Variants in CDK19 observed in about 807,000 individuals in gnomAD.
CDK19 encodes cyclin dependent kinase 19, also known as cyclin-dependent kinase 19.
CDK19 carries 20 observed loss-of-function variants against 68.3 expected under a neutral mutation model. The observed-to-expected ratio is 0.29, with a 90% CI of 0.21 to 0.43. The LOEUF (loss-of-function observed/expected upper bound fraction) is 0.43. Ranked by LOEUF, CDK19 falls within the 20% of genes least tolerant of loss-of-function variation. The probability of loss-of-function intolerance (pLI) is 1.00; values close to 1 mark genes in which losing one functional copy is unlikely to be tolerated. For missense variants in CDK19, 339 were observed against 623.5 expected (o/e 0.54, Z 4.86); for synonymous variants, 221 against 222.8 (o/e 0.99, Z 0.07).
intron 2 of CDK19, among the ~76,000 whole-genome samples, chr6:110,689,358 GC>G (rs1223512269): frequency 6.6e-6 from 1 of 152,122 alleles, no homozygotes; most frequent in Non-Finnish European, 1.5e-5. Context: ...ACTTCTGGGA[GC>G]TTTTCGGCCC....
chr6:110,687,181 A>AG (rs1220597756), intron 2 of CDK19, among the ~76,000 whole-genome samples: 1 of 152,164 alleles, frequency 6.6e-6, no homozygotes, highest in Non-Finnish European at 1.5e-5. Context: ...GGAGAGGAGG[A>AG]GGTCAGCTTT....
At position 110,614,524 on chromosome 6, in the gene CDK19, A is replaced by G. The variant is rs1222109321; in HGVS notation, c.*11T>C. 6.2e-7 allele frequency: 1 copy of G among 1,613,194 alleles called. No homozygotes were observed. The highest frequency in any genetic ancestry group is 1.1e-5 in the South Asian group (1 of 91,014). On this transcript the variant is annotated 3_prime_UTR_variant, in exon 13 of 13. Transcript: ENST00000368911. ...CTCTGGGCTGGGCTGGCCTGGCCCA[A>G]CGGGAGCTGGTCAGTACCGGTGGGC...
chr6:110,766,502 C>T (rs1465376123), intron 1 of CDK19, among the ~76,000 whole-genome samples: 3 of 151,912 alleles, frequency 2.0e-5, no homozygotes, highest in South Asian at 2.1e-4. Flanking sequence ...CCTTTGAAAC[C>T]GGGAGGCAGA....
intron 1 of CDK19, among the ~76,000 whole-genome samples, chr6:110,768,852 G>C (rs974893215): frequency 6.6e-6 from 1 of 152,054 alleles, no homozygotes; most frequent in Non-Finnish European, 1.5e-5. Flanking sequence ...CTAATGTGTA[G>C]AGAGCAAACC....
chr6:110,657,037 CTTA>C (rs1781348398), intron 4 of CDK19, among the ~76,000 whole-genome samples: 1 of 152,158 alleles, frequency 6.6e-6, no homozygotes, highest in Non-Finnish European at 1.5e-5. Flanking sequence ...ATAATTTGGT[CTTA>C]TTATCATGAG....
At chr6:110,661,403 C>T in intron 4 of CDK19, among the ~76,000 whole-genome samples, 1 of 152,158 alleles carries the variant, frequency 6.6e-6, no homozygotes, top group East Asian at 1.9e-4. Flanking sequence ...AATATCTGTA[C>T]TTTCCTCTGC....
intron 2 of CDK19, among the ~76,000 whole-genome samples, chr6:110,721,483 T>C (rs943737706): frequency 1.3e-5 from 2 of 152,090 alleles, no homozygotes; most frequent in African/African-American, 4.8e-5. Context: ...AATTCAAGTT[T>C]AGGTAAGGTT....
chr6:110,612,978 T>G lies in CDK19; in HGVS notation c.*1557A>C, dbSNP rs984124333. On this transcript the variant is annotated 3_prime_UTR_variant, in exon 13 of 13. Coordinates refer to ENST00000368911, the MANE Select transcript of CDK19 (RefSeq NM_015076.5). Reference sequence around the variant, plus strand: ...AGGTAGATAAGTTCAGAAAGAATAGTTTTTAAAAATGCATGTAATTTGCAT... The same window carrying G: ...AGGTAGATAAGTTCAGAAAGAATAGGTTTTAAAAATGCATGTAATTTGCAT... 4.6e-5 allele frequency: 7 copies of G among 152,640 alleles called. No homozygotes were observed. Among genetic ancestry groups the G allele is most frequent in the African/African-American group, 1.7e-4 (7 of 41,442 alleles). 9.5% of individuals were successfully genotyped at this position (152,640 alleles called of 1,614,324 possible). A position where few individuals can be genotyped will look rare whatever the true frequency, so the allele number is the denominator to read the frequency against.
At position 110,726,912 on chromosome 6, in the gene CDK19, G is replaced by A. The variant is rs552714964; in HGVS notation, c.204+19214C>T. Among the ~76,000 whole-genome samples, 319 of 152,210 alleles carry A rather than the reference G, an allele frequency of 2.1e-3. 2 individuals carry two copies. The highest frequency in any genetic ancestry group is 7.4e-3 in the African/African-American group (307 of 41,542). ...CCCATAAAGTCTACAAGGTACTCTC[G>A]TATAAATTAAATCACATGCCATTTT... On this transcript the variant is annotated intron_variant, in intron 2 of 12. Transcript: ENST00000368911.
intron 5 of CDK19, among the ~76,000 whole-genome samples, chr6:110,633,853 A>G (rs1286397674): frequency 4.6e-5 from 7 of 152,238 alleles, no homozygotes; most frequent in Admixed American, 4.6e-4. Context: ...GCCTGTGGTC[A>G]CAGGGATAGT....
intron 1 of CDK19, among the ~76,000 whole-genome samples, chr6:110,778,303 CTT>C (rs1354106888): frequency 6.6e-6 from 1 of 152,122 alleles, no homozygotes; most frequent in Non-Finnish European, 1.5e-5. Flanking sequence ...ATACTACACA[CTT>C]TTTTAAAAAA....
In CDK19 at chr6:110,815,412, T is replaced by G; in HGVS notation, c.-276A>C. 1 of 298,050 alleles carries G rather than the reference T, an allele frequency of 3.4e-6. No individual in the cohort carries two copies. The highest frequency in any genetic ancestry group is 6.1e-6 in the Non-Finnish European group (1 of 162,932). 18.5% of individuals were successfully genotyped at this position (298,050 alleles called of 1,614,324 possible). A position where few individuals can be genotyped will look rare whatever the true frequency, so the allele number is the denominator to read the frequency against. On this transcript the variant is annotated 5_prime_UTR_variant, in exon 1 of 13. Coordinates refer to ENST00000368911, the MANE Select transcript of CDK19 (RefSeq NM_015076.5). ...GTCCCGCCTCCCTCCTTCATTTCCTTGTTTTGGAACCTGGTGGGCCGCGCC... is the reference window on the plus strand; with the variant it reads ...GTCCCGCCTCCCTCCTTCATTTCCTGGTTTTGGAACCTGGTGGGCCGCGCC...
intron 9 of CDK19, 151 bp downstream of exon 9, chr6:110,623,139 A>AAGAC: frequency 1.5e-6 from 1 of 682,214 alleles, no homozygotes; most frequent in South Asian, 1.9e-5. Context: ...TGAAGGCTGA[A>AAGAC]AGACAGGGTG....
intron 2 of CDK19, among the ~76,000 whole-genome samples, chr6:110,690,746 ACT>A (rs1217665044): frequency 6.6e-6 from 1 of 152,096 alleles, no homozygotes; most frequent in Admixed American, 6.6e-5. Flanking sequence ...GTCATCAAAG[ACT>A]CTCTATAATG....
chr6:110,695,598 C>A (rs1385185040), intron 2 of CDK19, among the ~76,000 whole-genome samples: 2 of 151,812 alleles, frequency 1.3e-5, no homozygotes, highest in Non-Finnish European at 2.9e-5. Context: ...AGACCATTAG[C>A]AAGATTAACC....
At chr6:110,779,191 C>T (rs1163857529) in intron 1 of CDK19, among the ~76,000 whole-genome samples, 1 of 152,194 alleles carries the variant, frequency 6.6e-6, no homozygotes, top group East Asian at 1.9e-4. Flanking sequence ...GTATCTGCAG[C>T]CTTACCTCCA....
At chr6:110,772,292 G>T (rs1227486816) in intron 1 of CDK19, among the ~76,000 whole-genome samples, 1 of 152,018 alleles carries the variant, frequency 6.6e-6, no homozygotes, top group Non-Finnish European at 1.5e-5. Context: ...AAAATGAGAA[G>T]GATCCAAAAA....
At position 110,722,373 on chromosome 6, in the gene CDK19, G is replaced by A. The variant is rs980295765; in HGVS notation, c.204+23753C>T. The A allele has an allele frequency of 5.3e-5, 8 of 151,806 alleles. 1 individual carries two copies. In the East Asian group the frequency reaches 1.2e-3, roughly 22 times the overall value. 9.4% of individuals were successfully genotyped at this position (151,806 alleles called of 1,614,324 possible). A position where few individuals can be genotyped will look rare whatever the true frequency, so the allele number is the denominator to read the frequency against. On this transcript the variant is annotated intron_variant, in intron 2 of 12. Coordinates refer to ENST00000368911, the MANE Select transcript of CDK19 (RefSeq NM_015076.5). ...CCTATACTTATTTAAAGTAAGAGAT[G>A]GGAAACAAATTCCTAAGCAATTTTG...
At chr6:110,778,835 C>G (rs941978585) in intron 1 of CDK19, among the ~76,000 whole-genome samples, 1 of 152,144 alleles carries the variant, frequency 6.6e-6, no homozygotes, top group Non-Finnish European at 1.5e-5. Context: ...TTAAAGGGAA[C>G]TTAGCTAGAA....
Sources: allele counts gnomAD v4.1 joint callset (sites outside exome capture counted in the v4.1 genomes callset), GRCh38; gene constraint gnomAD v4.1.1; transcripts MANE v1.5; gene names NCBI Gene and HGNC (gene_info 2026-07-23, HGNC 2026-07-21).